UTP20: variants seen among roughly 807,000 people sequenced by gnomAD.
The protein encoded by UTP20 is UTP20 small subunit processome component.
In UTP20, 164 loss-of-function variants were observed where a neutral mutation model predicts 329.5. The observed-to-expected ratio is 0.50, with a 90% CI of 0.44 to 0.57. The LOEUF is 0.57. Among genes scored for constraint, UTP20 ranks in the 20% least tolerant of loss-of-function variants. The pLI is 0.00. For missense variants in UTP20, 3,055 were observed against 3,284.2 expected (o/e 0.93, Z 1.71); for synonymous variants, 1,151 against 1,159.3 (o/e 0.99, Z 0.14).
Position 101,383,036 on chromosome 12 carries a change from T to A in UTP20, c.7657-5T>A, listed in dbSNP as rs540847634. ...TTTCTTCCCCCACCCCGTTTTTTTT[T>A]AAAGGTTGTTAAGAATTTGTTGTTC... On this transcript the variant is annotated splice_polypyrimidine_tract_variant and splice_region_variant and intron_variant, in intron 58 of 61. Transcript: ENST00000261637. 9.0e-5 allele frequency: 143 copies of A among 1,583,258 alleles called. No individual in the cohort carries two copies. The highest frequency in any genetic ancestry group is 8.1e-4 in the African/African-American group (59 of 73,076).
Position 101,317,449 on chromosome 12 carries a change from A to G in UTP20, c.2553-29A>G, listed in dbSNP as rs559170970. ...TTCAGATTGGTGTGCGTTCTTCATC[A>G]GTATCCTGTGACTTTCTTTCCACGG... On this transcript the variant is annotated intron_variant, in intron 21 of 61. Transcript: ENST00000261637. 4 of 1,609,620 alleles carry G rather than the reference A, an allele frequency of 2.5e-6. No homozygotes were observed. In the African/African-American group the frequency reaches 4.0e-5, roughly 16 times the overall value.
chr12:101,306,713 A>C lies in UTP20; in HGVS notation c.1947A>C (p.Thr649=), dbSNP rs754731332. Reference sequence around the variant, plus strand: ...ACTTTCTCCAGATTCGGCTTTTGACAATAAGGATCCTAAACCATTTTGATG... The same window carrying C: ...ACTTTCTCCAGATTCGGCTTTTGACCATAAGGATCCTAAACCATTTTGATG... ...STGVSKIRLL[T]IRILNHFDVQ... The change falls in exon 17 of 62, where the codon ACA becomes ACC. Residue 649 remains threonine (T), a synonymous_variant. Transcript: ENST00000261637. 1.9e-6 allele frequency: 3 copies of C among 1,605,296 alleles called. No individual in the cohort carries two copies. Among genetic ancestry groups the C allele is most frequent in the Non-Finnish European group, 2.6e-6 (3 of 1,175,390 alleles).
chr12:101,375,890 T>C (rs1208279989), intron 56 of UTP20, 134 bp downstream of exon 56: 1 of 581,506 alleles, frequency 1.7e-6, no homozygotes. Context: ...AGAAAAAACC[T>C]AAAAGGTTCT....
chr12:101,300,082 G>C, intron 14 of UTP20, 21 bp downstream of exon 14: 1 of 1,604,804 alleles, frequency 6.2e-7, no homozygotes, highest in Non-Finnish European at 8.5e-7. Context: ...ATCATCATGT[G>C]TTCTCTTCTC....
intron 32 of UTP20, 129 bp downstream of exon 32, chr12:101,340,739 A>G (rs1015493492): frequency 3.2e-6 from 2 of 626,118 alleles, no homozygotes; most frequent in African/African-American, 3.8e-5. Context: ...AATACTTTAT[A>G]TAGAAATTAA....
rs530927598 is a variant in UTP20 at position 101,299,807 on chromosome 12, G to T, written c.1556G>T (p.Trp519Leu). 6.2e-7 allele frequency: 1 copy of T among 1,611,196 alleles called. No homozygotes were observed. The highest frequency in any genetic ancestry group is 1.7e-4 in the Middle Eastern group (1 of 6,036). ...GATACTACTTACCTTTCACAATCTT[G>T]GGCAGCCCTCGTGGTGTTACCTCAT... ...NKDTTYLSQSWAALVVLPHIR... is the reference protein window; with the variant it reads ...NKDTTYLSQSLAALVVLPHIR... Residue 519 changes from tryptophan to leucine, a missense_variant, in exon 13 of 62, where the codon TGG becomes TTG. This residue lies in a region of UTP20 where 2,445 missense variants were observed against 2,575.5 expected (regional missense o/e 0.95). Transcript: ENST00000261637.
Position 101,385,701 on chromosome 12 carries a change from A to C in UTP20, c.8175A>C (p.Ala2725=), listed in dbSNP as rs1258430159. The change falls in exon 61 of 62, where the codon GCA becomes GCC. Residue 2725 remains alanine (A), a synonymous_variant. Transcript: ENST00000261637. ...AGAAACAGGCTAATGAGAAAAGGGC[A>C]CTCCGGAAAAAGAGGAAGGCCCTGG... ...SVQKQANEKR[A]LRKKRKALEF... is the part of the protein sequence containing the mutation. 1.2e-6 allele frequency: 2 copies of C among 1,610,300 alleles called. No homozygotes were observed. Among genetic ancestry groups the C allele is most frequent in the Admixed American group, 1.7e-5 (1 of 58,676 alleles).
chr12:101,358,551 C>T (rs1869803482), intron 43 of UTP20, among the ~76,000 whole-genome samples: 1 of 152,160 alleles, frequency 6.6e-6, no homozygotes, highest in African/African-American at 2.4e-5. Flanking sequence ...TGTGGTGGAG[C>T]AGGCATGGTG....
chr12:101,306,573 C>CAT lies in UTP20; in HGVS notation c.1933-123_1933-122dup. 4 of 784,388 alleles carry CAT rather than the reference C, an allele frequency of 5.1e-6. 1 individual carries two copies. The African/African-American group carries it at 5.3e-5, about 10-fold the overall frequency. The allele number at this position is 784,388 out of a possible 1,614,324, so 48.6% of individuals were successfully genotyped here. On this transcript the variant is annotated intron_variant, in intron 16 of 61. Coordinates refer to ENST00000261637, the MANE Select transcript of UTP20 (RefSeq NM_014503.3). Reference sequence around the variant, plus strand: ...TATGAAATAAGGGCTAGAATAGGCACATATTACTCTGGTCAAATGGTATTT... The same window carrying CAT: ...TATGAAATAAGGGCTAGAATAGGCACATATATTACTCTGGTCAAATGGTATTT...
intron 22 of UTP20, among the ~76,000 whole-genome samples, chr12:101,318,145 C>G (rs1485565401): frequency 1.3e-5 from 2 of 152,104 alleles, no homozygotes; most frequent in African/African-American, 4.8e-5. Flanking sequence ...CTACTGGTTA[C>G]TTTTTTCTCA....
At chr12:101,293,295 A>G (rs765639015) in intron 11 of UTP20, 50 bp downstream of exon 11, 1 of 1,534,686 alleles carries the variant, frequency 6.5e-7, no homozygotes, top group African/African-American at 1.4e-5. Flanking sequence ...ATCTGTCAGG[A>G]AAAAACGATC....
In UTP20 at chr12:101,363,223, A is replaced by C. The variant is rs145194733; in HGVS notation, c.5791-353A>C. ...GAATGTAAATAATTAATTAGATTGCAAATATTCTGAGAACTTCTTGAAGGG... is the reference window on the plus strand; with the variant it reads ...GAATGTAAATAATTAATTAGATTGCCAATATTCTGAGAACTTCTTGAAGGG... On this transcript the variant is annotated intron_variant, in intron 44 of 61. Coordinates refer to ENST00000261637, the MANE Select transcript of UTP20 (RefSeq NM_014503.3). Among the ~76,000 whole-genome samples, 75 of 152,356 alleles carry C rather than the reference A, an allele frequency of 4.9e-4. 1 individual carries two copies. The East Asian group carries it at 0.013, about 26-fold the overall frequency.
chr12:101,289,670 T>C (rs1872077217), intron 6 of UTP20, among the ~76,000 whole-genome samples: 2 of 152,130 alleles, frequency 1.3e-5, no homozygotes, highest in South Asian at 2.1e-4. Context: ...AGTCAGTAAA[T>C]ACATGAACTG....
chr12:101,323,009 T>G (rs368287103), intron 25 of UTP20, among the ~76,000 whole-genome samples: 2 of 152,346 alleles, frequency 1.3e-5, no homozygotes, highest in Non-Finnish European at 1.5e-5. Flanking sequence ...AGCAGATGGT[T>G]GTATGAAGTC....
chr12:101,323,094 A>G (rs920575595), intron 25 of UTP20, among the ~76,000 whole-genome samples: 2 of 151,260 alleles, frequency 1.3e-5, no homozygotes, highest in African/African-American at 2.4e-5. Flanking sequence ...GAAAATTGAG[A>G]TGATATTTTA....
chr12:101,365,030 C>T (rs1323485101), intron 45 of UTP20, among the ~76,000 whole-genome samples: 1 of 150,626 alleles, frequency 6.6e-6, no homozygotes, highest in African/African-American at 2.5e-5. Flanking sequence ...AGTAGCACTT[C>T]ATTCTCGTGG....
chr12:101,288,373 G>T (rs1298694242), intron 5 of UTP20, among the ~76,000 whole-genome samples: 1 of 152,196 alleles, frequency 6.6e-6, no homozygotes, highest in Non-Finnish European at 1.5e-5. Flanking sequence ...ATGCATGGCT[G>T]CTTGACCTTG....
intron 40 of UTP20, among the ~76,000 whole-genome samples, chr12:101,353,951 C>T (rs1869626199): frequency 6.6e-6 from 1 of 151,836 alleles, no homozygotes; most frequent in Admixed American, 6.6e-5. Flanking sequence ...GATTTCTAAC[C>T]ATTAAAGGAA....
At chr12:101,330,684 T>C (rs932103917) in intron 27 of UTP20, among the ~76,000 whole-genome samples, 14 of 152,210 alleles carry the variant, frequency 9.2e-5, no homozygotes, top group Non-Finnish European at 1.6e-4. Flanking sequence ...TTTGTCTGTA[T>C]ATGAATATAT....
Sources: gnomAD v4.1 joint callset for allele counts (sites outside exome capture counted in the v4.1 genomes callset) on GRCh38, gnomAD v4.1.1 for gene constraint, gnomAD v4.1.1 regional missense constraint, MANE v1.5 for transcripts, NCBI Gene and HGNC (gene_info 2026-07-23, HGNC 2026-07-21) for gene names.